Variants in ZNF157 observed in about 807,000 individuals in gnomAD.
The protein encoded by ZNF157 is zinc finger protein 22.
In ZNF157, 8 loss-of-function variants were observed where a neutral mutation model predicts 9.4. The observed-to-expected ratio is 0.85, with a 90% CI of 0.50 to 1.53. The LOEUF is 1.53. Ranked by LOEUF, ZNF157 falls within the 40% of genes most tolerant of loss-of-function variation. The probability of loss-of-function intolerance (pLI) is 0.00; values close to 1 mark genes in which losing one functional copy is unlikely to be tolerated. For synonymous variants in ZNF157, 120 were observed against 130.8 expected, an observed-to-expected ratio of 0.92 and a Z score of 0.56; for missense variants, 316 against 385.2, an observed-to-expected ratio of 0.82 and a Z score of 1.50.
chrX:47,410,004 T>C (rs1472313583), intron 1 of ZNF157, among the ~76,000 whole-genome samples: 1 of 111,627 alleles, frequency 9.0e-6, no homozygotes, highest in Admixed American at 9.6e-5. Flanking sequence ...ATAGTGTTTG[T>C]TTTTTCATTG....
At chrX:47,396,161 C>T (rs1454360293) in intron 1 of ZNF157, among the ~76,000 whole-genome samples, 6 of 110,314 alleles carry the variant, frequency 5.4e-5, no homozygotes, top group South Asian at 7.8e-4. Context: ...CAGTGGTGCA[C>T]GCCTGTAGTC....
rs2055970373 is a variant in ZNF157, at chrX:47,412,940, T to C, written c.867T>C (p.Leu289=). 8.3e-7 allele frequency: 1 copy of C among 1,210,618 alleles called. No individual in the cohort carries two copies. Among genetic ancestry groups the C allele is most frequent in the Admixed American group, 2.2e-5 (1 of 45,897 alleles). The change falls in exon 4 of 4, where the codon CTT becomes CTC. Residue 289 remains leucine (L), a synonymous_variant. Coordinates refer to ENST00000377073, the MANE Select transcript of ZNF157 (RefSeq NM_003446.4). ...CGKTFRVKIS[L]TQHHRTHTGE... is the part of the protein sequence containing the mutation. ...AAACATTTCGTGTAAAGATATCCCT[T>C]ACCCAACACCACAGAACTCATACAG...
intron 3 of ZNF157, 97 bp downstream of exon 3, chrX:47,410,872 A>C (rs901432386): frequency 1.4e-6 from 1 of 706,204 alleles, no homozygotes; most frequent in South Asian, 2.9e-5. Flanking sequence ...CTTTCTAGGA[A>C]TCTCTTTTTA....
chrX:47,383,013 A>G (rs1247465618), intron 1 of ZNF157, among the ~76,000 whole-genome samples: 1 of 110,411 alleles, frequency 9.1e-6, no homozygotes, highest in East Asian at 2.8e-4. Context: ...TTAACGTGAA[A>G]ATGGGGAGAA....
chrX:47,396,805 T>A (rs759102780), intron 1 of ZNF157, among the ~76,000 whole-genome samples: 3 of 111,862 alleles, frequency 2.7e-5, no homozygotes, highest in Non-Finnish European at 5.6e-5. Flanking sequence ...TGGCTCATGG[T>A]TCCACATGGC....
At chrX:47,391,886 G>A (rs1175325163) in intron 1 of ZNF157, among the ~76,000 whole-genome samples, 1 of 89,615 alleles carries the variant, frequency 1.1e-5, no homozygotes, top group Non-Finnish European at 2.2e-5. Context: ...TACTGAACCT[G>A]TATTGATTTT....
At chrX:47,398,037 T>C (rs1411910517) in intron 1 of ZNF157, among the ~76,000 whole-genome samples, 1 of 110,052 alleles carries the variant, frequency 9.1e-6, no homozygotes, top group Non-Finnish European at 1.9e-5. Context: ...TCTTGCTCTG[T>C]TGCCCAGGCT....
intron 1 of ZNF157, among the ~76,000 whole-genome samples, chrX:47,398,181 T>C (rs954760953): frequency 1.8e-5 from 2 of 110,833 alleles, no homozygotes; most frequent in African/African-American, 3.3e-5. Flanking sequence ...CTGTGAATCC[T>C]GGCTATGGGA....
chrX:47,402,697 G>A (rs996946248), intron 1 of ZNF157, among the ~76,000 whole-genome samples: 4 of 107,311 alleles, frequency 3.7e-5, no homozygotes, highest in Non-Finnish European at 5.8e-5. Flanking sequence ...CCGCCACCAC[G>A]CCCGGCTAAT....
intron 1 of ZNF157, among the ~76,000 whole-genome samples, chrX:47,406,081 TA>T (rs1392174413): frequency 9.2e-6 from 1 of 109,237 alleles, no homozygotes; most frequent in Non-Finnish European, 1.9e-5. Flanking sequence ...AATGTTTTAT[TA>T]AAAATATTAT....
chrX:47,402,541 A>ATTTTTTTTTT (rs200982459), intron 1 of ZNF157, among the ~76,000 whole-genome samples: 1 of 93,092 alleles, frequency 1.1e-5, no homozygotes, highest in African/African-American at 4.0e-5. Context: ...AAATTTTTTA[A>ATTTTTTTTTT]TTTTTTTTTT....
intron 1 of ZNF157, among the ~76,000 whole-genome samples, chrX:47,402,124 C>T (rs940151307): frequency 3.6e-5 from 4 of 111,389 alleles, no homozygotes; most frequent in African/African-American, 9.8e-5. Flanking sequence ...TTTGGCTGTT[C>T]GAGGCCCTTT....
At chrX:47,373,793 C>T (rs1031862029) in intron 1 of ZNF157, among the ~76,000 whole-genome samples, 2 of 107,373 alleles carry the variant, frequency 1.9e-5, no homozygotes, top group East Asian at 2.9e-4. Context: ...CTCAGCCTCC[C>T]GGGTTCAAGT....
Position 47,395,980 on chromosome X carries a change from G to A in ZNF157, c.73-14296G>A, listed in dbSNP as rs142759067. The stretch of plus-strand genomic sequence containing the variant: ...GACCTTGTCTCAAAAAATGAATATT[G>A]TACTATAATGTTAAGTATTAATAGT... On this transcript the variant is annotated intron_variant, in intron 1 of 3. Transcript: ENST00000377073. 7.7e-4 allele frequency among the ~76,000 whole-genome samples: 85 copies of A among 111,071 alleles called. No homozygotes were observed. The East Asian group carries it at 0.023, about 30-fold the overall frequency.
intron 1 of ZNF157, among the ~76,000 whole-genome samples, chrX:47,402,716 G>A (rs1244905930): frequency 9.4e-6 from 1 of 106,893 alleles, no homozygotes; most frequent in Non-Finnish European, 1.9e-5. Context: ...ATTTTTGTTT[G>A]TAGTTTTAGT....
intron 1 of ZNF157, among the ~76,000 whole-genome samples, chrX:47,373,520 T>C (rs986968427): frequency 1.8e-5 from 2 of 110,999 alleles, no homozygotes; most frequent in African/African-American, 6.6e-5. Context: ...TGTTTGATGA[T>C]GAATTGGAGT....
chrX:47,372,030 A>T (rs1338928481), intron 1 of ZNF157, among the ~76,000 whole-genome samples: 3 of 112,063 alleles, frequency 2.7e-5, no homozygotes, highest in South Asian at 3.7e-4. Context: ...ATCCTATAAT[A>T]GTTTGTGTAA....
At chrX:47,380,241 G>C (rs1429674468) in intron 1 of ZNF157, among the ~76,000 whole-genome samples, 1 of 110,744 alleles carries the variant, frequency 9.0e-6, no homozygotes, top group South Asian at 3.8e-4. Context: ...CAGAGTGAGA[G>C]ACCAGGGCAA....
chrX:47,382,282 C>CTTTTTTTTTT (rs764704009), intron 1 of ZNF157, among the ~76,000 whole-genome samples: 7 of 53,366 alleles, frequency 1.3e-4, no homozygotes, highest in African/African-American at 6.1e-4. Flanking sequence ...TTCAACAGAA[C>CTTTTTTTTTT]TTTTTTTTTT....
Sources: allele counts gnomAD v4.1 joint callset (sites outside exome capture counted in the v4.1 genomes callset), GRCh38; gene constraint gnomAD v4.1.1; transcripts MANE v1.5; gene names NCBI Gene and HGNC (gene_info 2026-07-23, HGNC 2026-07-21).